Variants in TMPRSS15 observed in about 807,000 individuals in gnomAD.
TMPRSS15 encodes enteropeptidase.
TMPRSS15 carries 128 observed loss-of-function variants against 125.3 expected under a neutral mutation model. That is an observed-to-expected ratio of 1.02 (90% CI 0.89 to 1.18). TMPRSS15 has a LOEUF of 1.18. TMPRSS15 is among the 50% of genes most tolerant of loss of function. The pLI, the probability that TMPRSS15 is intolerant of heterozygous loss-of-function variation, is 0.00. For missense variants in TMPRSS15, 1,283 were observed against 1,212.7 expected (o/e 1.06, Z -0.86); for synonymous variants, 446 against 423.2 (o/e 1.05, Z -0.66).
chr21:18,372,960 G>A (rs1345174760), intron 5 of TMPRSS15, among the ~76,000 whole-genome samples: 2 of 152,072 alleles, frequency 1.3e-5, no homozygotes, highest in East Asian at 1.9e-4. Context: ...CTGAAAATAA[G>A]CCATATTCTT....
At chr21:18,370,976 G>C (rs544759337) in intron 6 of TMPRSS15, among the ~76,000 whole-genome samples, 1 of 152,176 alleles carries the variant, frequency 6.6e-6, no homozygotes, top group Admixed American at 6.5e-5. Context: ...TTTATAGTCA[G>C]TTTTAAAACT....
At chr21:18,444,685 C>A (rs1293283892) in intron 1 of TMPRSS15, among the ~76,000 whole-genome samples, 1 of 152,104 alleles carries the variant, frequency 6.6e-6, no homozygotes, top group Non-Finnish European at 1.5e-5. Context: ...AAACATGTGT[C>A]ATTTCTTTTT....
At chr21:18,482,573 A>G (rs929263882) in intron 1 of TMPRSS15, among the ~76,000 whole-genome samples, 14 of 151,668 alleles carry the variant, frequency 9.2e-5, no homozygotes, top group Non-Finnish European at 1.6e-4. Flanking sequence ...TTATGTACCA[A>G]TAAAATTAGT....
At position 18,356,661 on chromosome 21, in the gene TMPRSS15, C is replaced by A. The variant is rs113845460; in HGVS notation, c.881-2798G>T. Among the ~76,000 whole-genome samples the A allele has an allele frequency of 3.7e-3, 560 of 151,822 alleles. 9 individuals are homozygous for A. The highest frequency in any genetic ancestry group is 7.6e-3 in the African/African-American group (317 of 41,478). Reference sequence around the variant, plus strand: ...AAAATAAACTTTTCCACATAACATACCCCTATCAACAGAAGTGAATTAATG... The same window carrying A: ...AAAATAAACTTTTCCACATAACATAACCCTATCAACAGAAGTGAATTAATG... On this transcript the variant is annotated intron_variant, in intron 8 of 24. Transcript: ENST00000284885.
chr21:18,435,002 G>A (rs545595579), intron 1 of TMPRSS15, among the ~76,000 whole-genome samples: 10 of 151,990 alleles, frequency 6.6e-5, no homozygotes, highest in Admixed American at 2.6e-4. Context: ...AGTCCTTGGA[G>A]GAAGCAATAA....
intron 6 of TMPRSS15, among the ~76,000 whole-genome samples, chr21:18,366,595 G>A (rs965454319): frequency 3.9e-5 from 6 of 152,038 alleles, no homozygotes; most frequent in African/African-American, 1.2e-4. Context: ...CACTTGCTAT[G>A]TATAGTATAT....
chr21:18,410,648 G>A (rs1398513361), intron 1 of TMPRSS15, among the ~76,000 whole-genome samples: 1 of 151,162 alleles, frequency 6.6e-6, no homozygotes, highest in Non-Finnish European at 1.5e-5. Context: ...GTTATTGGAT[G>A]GAGTGTATGC....
At chr21:18,271,381 T>TTTAA (rs1347604504) in intron 24 of TMPRSS15, among the ~76,000 whole-genome samples, 1 of 152,180 alleles carries the variant, frequency 6.6e-6, no homozygotes, top group Non-Finnish European at 1.5e-5. Flanking sequence ...AATTTAATTT[T>TTTAA]TTAATAGACA....
At chr21:18,439,867 G>A (rs1258938546) in intron 1 of TMPRSS15, among the ~76,000 whole-genome samples, 3 of 152,086 alleles carry the variant, frequency 2.0e-5, no homozygotes, top group African/African-American at 2.4e-5. Context: ...GAGATTTATC[G>A]AAAGCTAGAA....
chr21:18,344,131 T>A, intron 10 of TMPRSS15, 71 bp from the exon 11 acceptor site: 1 of 1,305,528 alleles, frequency 7.7e-7, no homozygotes, highest in Non-Finnish European at 1.1e-6. Flanking sequence ...GTAGACTTTG[T>A]AAGCAGGAAA....
At chr21:18,430,103 T>G (rs997208560) in intron 1 of TMPRSS15, among the ~76,000 whole-genome samples, 5 of 152,206 alleles carry the variant, frequency 3.3e-5, no homozygotes, top group Non-Finnish European at 7.3e-5. Flanking sequence ...GCATCAGTCT[T>G]TGTGAAAGCT....
At chr21:18,352,186 A>G (rs998700896) in intron 10 of TMPRSS15, among the ~76,000 whole-genome samples, 4 of 151,996 alleles carry the variant, frequency 2.6e-5, no homozygotes, top group African/African-American at 9.7e-5. Context: ...TGATCTTCCC[A>G]CTACAAGTTC....
chr21:18,323,189 C>A (rs1003530409), intron 16 of TMPRSS15, among the ~76,000 whole-genome samples: 1 of 152,056 alleles, frequency 6.6e-6, no homozygotes, highest in Non-Finnish European at 1.5e-5. Context: ...TTTCAAGATG[C>A]TTTAACTTTT....
chr21:18,479,868 C>T (rs961395975), intron 1 of TMPRSS15, among the ~76,000 whole-genome samples: 1 of 152,002 alleles, frequency 6.6e-6, no homozygotes, highest in Non-Finnish European at 1.5e-5. Context: ...TACCATTTGA[C>T]CCAGCAATCA....
intron 18 of TMPRSS15, among the ~76,000 whole-genome samples, chr21:18,303,105 G>T (rs985410557): frequency 6.6e-6 from 1 of 152,056 alleles, no homozygotes; most frequent in Non-Finnish European, 1.5e-5. Flanking sequence ...AAATTACATG[G>T]TTTTTTAATG....
intron 14 of TMPRSS15, among the ~76,000 whole-genome samples, chr21:18,330,966 G>A (rs1005525880): frequency 1.3e-5 from 2 of 151,626 alleles, no homozygotes; most frequent in African/African-American, 2.4e-5. Flanking sequence ...CCAGCTACTC[G>A]GGAGGCCAAG....
chr21:18,321,375 C>T (rs1452130156), intron 16 of TMPRSS15, among the ~76,000 whole-genome samples: 1 of 75,396 alleles, frequency 1.3e-5, no homozygotes, highest in African/African-American at 7.3e-5. Context: ...TTTTTTGAGA[C>T]GGAGTCTCAC....
intron 24 of TMPRSS15, among the ~76,000 whole-genome samples, chr21:18,274,948 T>C (rs1164812116): frequency 1.3e-5 from 2 of 152,222 alleles, no homozygotes; most frequent in Non-Finnish European, 2.9e-5. Flanking sequence ...GCTGGCTGCC[T>C]CACACATTCA....
upstream of TMPRSS15, among the ~76,000 whole-genome samples, chr21:18,405,568 G>A (rs1013185180): frequency 6.6e-6 from 1 of 152,080 alleles, no homozygotes; most frequent in Non-Finnish European, 1.5e-5. Flanking sequence ...CTGTCTCAGC[G>A]GAATTAAGTG....
Sources: gnomAD v4.1 joint callset for allele counts (sites outside exome capture counted in the v4.1 genomes callset) on GRCh38, gnomAD v4.1.1 for gene constraint, MANE v1.5 for transcripts, NCBI Gene and HGNC (gene_info 2026-07-23, HGNC 2026-07-21) for gene names.